DCAF8L2: variants seen among roughly 807,000 people sequenced by gnomAD.
DCAF8L2 encodes the protein DDB1 and CUL4 associated factor 8 like 2.
For missense variants in DCAF8L2, 430 were observed against 490.7 expected (o/e 0.88, Z 1.17); for synonymous variants, 200 against 190.9 (o/e 1.05, Z -0.39).
At chrX:27,691,369 A>G (rs1056434786) in intron 3 of DCAF8L2, among the ~76,000 whole-genome samples, 1 of 111,739 alleles carries the variant, frequency 8.9e-6, no homozygotes, top group Non-Finnish European at 1.9e-5. Context: ...AATCCATGTC[A>G]AGATGATAAA....
intron 1 of DCAF8L2, among the ~76,000 whole-genome samples, chrX:27,625,468 T>C (rs762358845): frequency 8.9e-5 from 10 of 111,863 alleles, no homozygotes; most frequent in Non-Finnish European, 1.9e-4. Flanking sequence ...TCAAAGAACT[T>C]AAAACAGAAC....
At position 27,687,653 on chromosome X, in the gene DCAF8L2, A is replaced by G. The variant is rs773990328; in HGVS notation, c.-143+9741A>G. On this transcript the variant is annotated intron_variant, in intron 3 of 4. Coordinates refer to ENST00000451261, the MANE Select transcript of DCAF8L2 (RefSeq NM_001353450.2). ...AGGATCACTTGAAGCCAGGAGTTCAAGACCAGCCTGGGAAACATAGGAAGA... is the reference window on the plus strand; with the variant it reads ...AGGATCACTTGAAGCCAGGAGTTCAGGACCAGCCTGGGAAACATAGGAAGA... Among the ~76,000 whole-genome samples, 3 of 111,758 alleles carry G rather than the reference A, an allele frequency of 2.7e-5. No homozygotes were observed. The East Asian group carries it at 8.5e-4, about 32-fold the overall frequency.
chrX:27,511,269 A>C, the DCAF8L2 span, among the ~76,000 whole-genome samples: 4 of 111,358 alleles, frequency 3.6e-5, no homozygotes, highest in African/African-American at 6.5e-5. Context: ...CACCTTAAAT[A>C]ATTCCCAGAG....
chrX:27,708,127 A>T (rs1931401545), intron 3 of DCAF8L2, among the ~76,000 whole-genome samples: 1 of 111,423 alleles, frequency 9.0e-6, no homozygotes, highest in South Asian at 3.8e-4. Context: ...TGAGCATAGT[A>T]CCCAATAGTT....
the DCAF8L2 span, among the ~76,000 whole-genome samples, chrX:27,530,558 G>A: frequency 1.9e-4 from 21 of 110,958 alleles, 1 homozygote; most frequent in South Asian, 8.1e-3. Flanking sequence ...TCAGCCAGAG[G>A]TAATTGTATT....
At chrX:27,586,685 T>C (rs763233073), upstream of DCAF8L2, among the ~76,000 whole-genome samples, 18 of 111,268 alleles carry the variant, frequency 1.6e-4, no homozygotes, top group Non-Finnish European at 2.8e-4. Flanking sequence ...TGTATTAGTA[T>C]TATTTGTGGT....
chrX:27,726,671 A>T (rs1932081070), intron 4 of DCAF8L2, among the ~76,000 whole-genome samples: 1 of 111,388 alleles, frequency 9.0e-6, no homozygotes, highest in African/African-American at 3.3e-5. Context: ...GCAGTCACAT[A>T]ATTGAGTTCT....
chrX:27,612,638 G>T (rs1012001799), intron 1 of DCAF8L2, among the ~76,000 whole-genome samples: 2 of 111,920 alleles, frequency 1.8e-5, no homozygotes, highest in Admixed American at 1.9e-4. Flanking sequence ...TGTAAGGAAG[G>T]GATCCAGTTT....
the DCAF8L2 span, among the ~76,000 whole-genome samples, chrX:27,480,056 C>T: frequency 8.9e-6 from 1 of 112,407 alleles, no homozygotes; most frequent in Non-Finnish European, 1.9e-5. Context: ...GTTAAGAGTA[C>T]CTGGAACACA....
At chrX:27,563,843 AGTAT>A in the DCAF8L2 span, among the ~76,000 whole-genome samples, 2 of 111,961 alleles carry the variant, frequency 1.8e-5, no homozygotes, top group African/African-American at 6.5e-5. Flanking sequence ...TTTCTCATAC[AGTAT>A]GTATTTGATT....
At chrX:27,711,213 A>G (rs1401286625) in intron 3 of DCAF8L2, among the ~76,000 whole-genome samples, 2 of 110,565 alleles carry the variant, frequency 1.8e-5, no homozygotes, top group Non-Finnish European at 3.8e-5. Context: ...GTGGACTTAG[A>G]TTCAGTAACA....
intron 4 of DCAF8L2, among the ~76,000 whole-genome samples, chrX:27,737,348 T>C (rs1569197542): frequency 9.0e-6 from 1 of 111,595 alleles, no homozygotes; most frequent in Non-Finnish European, 1.9e-5. Context: ...TTCCAAAATA[T>C]GTCATGCTCT....
the DCAF8L2 span, among the ~76,000 whole-genome samples, chrX:27,568,877 T>G: frequency 1.9e-5 from 2 of 105,381 alleles, no homozygotes; most frequent in Non-Finnish European, 3.9e-5. Flanking sequence ...TGTGTCCATG[T>G]GTTCTCATTG....
chrX:27,694,666 G>C (rs973644708), intron 3 of DCAF8L2, among the ~76,000 whole-genome samples: 1 of 111,487 alleles, frequency 9.0e-6, no homozygotes, highest in Non-Finnish European at 1.9e-5. Context: ...AAAGACTTAA[G>C]ATCATATTTT....
At chrX:27,586,305 G>A (rs1171564078), upstream of DCAF8L2, among the ~76,000 whole-genome samples, 1 of 111,368 alleles carries the variant, frequency 9.0e-6, no homozygotes, top group East Asian at 2.8e-4. Context: ...CTGCAACTGG[G>A]TCATAGGTAT....
At chrX:27,505,125 G>A in the DCAF8L2 span, among the ~76,000 whole-genome samples, 2 of 111,464 alleles carry the variant, frequency 1.8e-5, no homozygotes, top group Non-Finnish European at 1.9e-5. Flanking sequence ...TACTACTCAT[G>A]AAATTATTTA....
chrX:27,528,711 C>T, the DCAF8L2 span, among the ~76,000 whole-genome samples: 1 of 110,242 alleles, frequency 9.1e-6, no homozygotes, highest in South Asian at 3.8e-4. Flanking sequence ...CTTTGTTTTT[C>T]CAGTTTTTGA....
chrX:27,564,053 TA>T, the DCAF8L2 span, among the ~76,000 whole-genome samples: 1 of 112,050 alleles, frequency 8.9e-6, no homozygotes, highest in Non-Finnish European at 1.9e-5. Context: ...CTAATAAACA[TA>T]TACCTGAGAC....
the DCAF8L2 span, among the ~76,000 whole-genome samples, chrX:27,581,218 C>T: frequency 8.9e-6 from 1 of 111,737 alleles, no homozygotes; most frequent in Non-Finnish European, 1.9e-5. Flanking sequence ...ACTTGGGAAC[C>T]TAGAAGTACT....
Sources: allele counts gnomAD v4.1 joint callset (sites outside exome capture counted in the v4.1 genomes callset), GRCh38; gene constraint gnomAD v4.1.1; transcripts MANE v1.5; gene names NCBI Gene and HGNC (gene_info 2026-07-23, HGNC 2026-07-21).